The following PSMB2 variants were observed in gnomAD, a reference collection of about 807,000 sequenced individuals.
PSMB2 encodes proteasome 20S subunit beta 2, also known as proteasome subunit beta type-2.
PSMB2 carries 13 observed loss-of-function variants against 25.7 expected under a neutral mutation model. That is an observed-to-expected ratio of 0.51 (90% CI 0.33 to 0.80). The LOEUF (loss-of-function observed/expected upper bound fraction) is 0.80. Among genes scored for constraint, PSMB2 ranks in the 30% least tolerant of loss-of-function variants. The pLI is 0.02. For synonymous variants in PSMB2, 87 were observed against 96.2 expected (o/e 0.90, Z 0.56); for missense variants, 202 against 259.0 (o/e 0.78, Z 1.51).
chr1:35,611,199 C>T lies in PSMB2; in HGVS notation c.286-1791G>A, dbSNP rs540244997. Among the ~76,000 whole-genome samples, 7 of 152,340 alleles carry T rather than the reference C, an allele frequency of 4.6e-5. No homozygotes were observed. In the East Asian group the frequency reaches 7.7e-4, roughly 17 times the overall value. ...AAATTTGTCTATGTATTTAATTAAA[C>T]GCACAGTAAGTGAGACACCTCATTA... is the stretch of plus-strand genomic sequence containing the variant. On this transcript the variant is annotated intron_variant, in intron 3 of 5. Transcript: ENST00000373237.
intron 2 of PSMB2, 132 bp downstream of exon 2, chr1:35,636,178 T>G: frequency 8.5e-7 from 1 of 1,174,672 alleles, no homozygotes; most frequent in African/African-American, 1.6e-5. Context: ...TGCCAACACC[T>G]TAATCTTTGA....
In PSMB2 at chr1:35,630,395, T is replaced by C. The variant is rs542072692; in HGVS notation, c.285+879A>G. Among the ~76,000 whole-genome samples, 3 of 152,312 alleles carry C rather than the reference T, an allele frequency of 2.0e-5. No homozygotes were observed. The South Asian group carries it at 6.2e-4, about 32-fold the overall frequency. Reference sequence around the variant, plus strand: ...AAACAAAAACCTGCACATGGATGTATACATTAGCTTTATTCATATTGCCAA... The same window carrying C: ...AAACAAAAACCTGCACATGGATGTACACATTAGCTTTATTCATATTGCCAA... On this transcript the variant is annotated intron_variant, in intron 3 of 5. Transcript: ENST00000373237.
chr1:35,628,596 A>AAAAAAAATATAT (rs59538661), intron 3 of PSMB2, among the ~76,000 whole-genome samples: 6 of 25,106 alleles, frequency 2.4e-4, no homozygotes, highest in Non-Finnish European at 4.6e-4. Flanking sequence ...AAAAAAAAAA[A>AAAAAAAATATAT]ATATATATAT....
intron 3 of PSMB2, among the ~76,000 whole-genome samples, chr1:35,618,108 GTCTAC>G (rs1159957743): frequency 6.6e-6 from 1 of 152,168 alleles, no homozygotes; most frequent in African/African-American, 2.4e-5. Flanking sequence ...ATCTACAATA[GTCTAC>G]TCTAGACAGA....
chr1:35,613,034 G>A (rs995146140), intron 3 of PSMB2, among the ~76,000 whole-genome samples: 2 of 152,318 alleles, frequency 1.3e-5, no homozygotes, highest in South Asian at 4.1e-4. Context: ...GGCATCTGAC[G>A]CACACATATA....
At chr1:35,615,097 C>T (rs1304157918) in intron 3 of PSMB2, among the ~76,000 whole-genome samples, 1 of 152,190 alleles carries the variant, frequency 6.6e-6, no homozygotes, top group Non-Finnish European at 1.5e-5. Context: ...TACCACAACA[C>T]TACCACCACC....
chr1:35,632,996 G>C (rs1651146330), intron 2 of PSMB2, among the ~76,000 whole-genome samples: 1 of 152,072 alleles, frequency 6.6e-6, no homozygotes, highest in Non-Finnish European at 1.5e-5. Flanking sequence ...CAGGTGGGTG[G>C]ATCACCTGGG....
chr1:35,619,653 TCTC>T (rs992056285), intron 3 of PSMB2, among the ~76,000 whole-genome samples: 1 of 152,318 alleles, frequency 6.6e-6, no homozygotes, highest in East Asian at 1.9e-4. Context: ...ATTTTAAAGG[TCTC>T]CTCAGTAATT....
chr1:35,614,553 G>A (rs1650440148), intron 3 of PSMB2, among the ~76,000 whole-genome samples: 1 of 152,308 alleles, frequency 6.6e-6, no homozygotes, highest in East Asian at 1.9e-4. Context: ...GGGAAGAACT[G>A]CAACATACAA....
chr1:35,626,507 C>G (rs1650864726), intron 3 of PSMB2, among the ~76,000 whole-genome samples: 1 of 152,180 alleles, frequency 6.6e-6, no homozygotes. Context: ...CTATATAATA[C>G]TATGTGCAAT....
intron 3 of PSMB2, among the ~76,000 whole-genome samples, chr1:35,617,206 G>T (rs1249851751): frequency 6.6e-6 from 1 of 152,054 alleles, no homozygotes; most frequent in Admixed American, 6.6e-5. Flanking sequence ...ACGCCACCAC[G>T]CCAGGCTAAT....
chr1:35,628,596 A>AAAAAAAAAATATATAT (rs59538661), intron 3 of PSMB2, among the ~76,000 whole-genome samples: 2 of 25,096 alleles, frequency 8.0e-5, no homozygotes, highest in Non-Finnish European at 1.5e-4. Flanking sequence ...AAAAAAAAAA[A>AAAAAAAAAATATATAT]ATATATATAT....
chr1:35,621,345 G>A (rs926989852), intron 3 of PSMB2, among the ~76,000 whole-genome samples: 4 of 152,142 alleles, frequency 2.6e-5, no homozygotes, highest in African/African-American at 9.7e-5. Flanking sequence ...TCCATCTGAA[G>A]GCCCACATTG....
At chr1:35,605,192 G>C (rs535847297) in intron 5 of PSMB2, 41 bp downstream of exon 5, 5 of 1,567,246 alleles carry the variant, frequency 3.2e-6, no homozygotes, top group Non-Finnish European at 4.3e-6. Flanking sequence ...GGCAAACAGA[G>C]AGACAAACAT....
intron 1 of PSMB2, among the ~76,000 whole-genome samples, chr1:35,638,905 T>C (rs1216452799): frequency 5.3e-5 from 8 of 152,230 alleles, no homozygotes; most frequent in Non-Finnish European, 8.8e-5. Flanking sequence ...TACTATTTTT[T>C]CAGCATTCTT....
Position 35,600,026 on chromosome 1 carries a change from G to T in PSMB2, c.*3241C>A. 1 of 594,108 alleles carries T rather than the reference G, an allele frequency of 1.7e-6. No individual in the cohort carries two copies. Among genetic ancestry groups the T allele is most frequent in the Non-Finnish European group, 2.1e-6 (1 of 472,720 alleles). The allele number at this position is 594,108 out of a possible 1,614,324, so 36.8% of individuals were successfully genotyped here. The stretch of plus-strand genomic sequence containing the variant: ...TGGTGCACCCCTCTAGTCCCAGCTA[G>T]TTGGGAGGCTGGGGTAAGAGGTTCA... On this transcript the variant is annotated 3_prime_UTR_variant, in exon 6 of 6. Coordinates refer to ENST00000373237, the MANE Select transcript of PSMB2 (RefSeq NM_002794.5).
chr1:35,631,026 A>T (rs1180617021), intron 3 of PSMB2, among the ~76,000 whole-genome samples: 1 of 152,228 alleles, frequency 6.6e-6, no homozygotes, highest in African/African-American at 2.4e-5. Flanking sequence ...AAAAAAGGGT[A>T]AGTTGTCACA....
intron 3 of PSMB2, among the ~76,000 whole-genome samples, chr1:35,621,363 C>T (rs1025373058): frequency 2.0e-5 from 3 of 152,180 alleles, no homozygotes; most frequent in Non-Finnish European, 4.4e-5. Flanking sequence ...TTGAGGTGTG[C>T]ACCTTTGTTT....
chr1:35,608,711 AG>A (rs1274944347), intron 4 of PSMB2, among the ~76,000 whole-genome samples: 5 of 152,188 alleles, frequency 3.3e-5, no homozygotes, highest in Admixed American at 6.5e-5. Flanking sequence ...TTCTTTCAAG[AG>A]GAGGCAGCCA....
Sources: gnomAD v4.1 joint callset for allele counts (sites outside exome capture counted in the v4.1 genomes callset) on GRCh38, gnomAD v4.1.1 for gene constraint, MANE v1.5 for transcripts, NCBI Gene and HGNC (gene_info 2026-07-23, HGNC 2026-07-21) for gene names.